The following RBPJ variants were observed in gnomAD, a reference collection of about 807,000 sequenced individuals.
RBPJ encodes recombination signal binding protein for immunoglobulin kappa J region.
Under a neutral mutation model 67.8 loss-of-function variants are expected in RBPJ, and 9 were observed. That is an observed-to-expected ratio of 0.13 (90% confidence interval 0.08 to 0.23). The LOEUF (loss-of-function observed/expected upper bound fraction) is 0.23. RBPJ is among the 10% of genes least tolerant of loss of function. The pLI is 1.00. For missense variants in RBPJ, 305 were observed against 595.6 expected (o/e 0.51, Z 5.08); for synonymous variants, 198 against 203.3 (o/e 0.97, Z 0.22).
the RBPJ span, among the ~76,000 whole-genome samples, chr4:26,149,614 GCTCTCT>G: frequency 6.6e-6 from 1 of 150,594 alleles, no homozygotes; most frequent in African/African-American, 2.4e-5. Context: ...AGTGAGCTCA[GCTCTCT>G]CTCTCTCTCT....
At chr4:26,203,442 T>C (rs1213316637) in intron 1 of RBPJ, among the ~76,000 whole-genome samples, 1 of 152,166 alleles carries the variant, frequency 6.6e-6, no homozygotes, top group Non-Finnish European at 1.5e-5. Context: ...TATCTCTCTG[T>C]CCCTTTGCCA....
At chr4:26,325,177 A>AT (rs1723494074) in intron 1 of RBPJ, among the ~76,000 whole-genome samples, 1 of 151,714 alleles carries the variant, frequency 6.6e-6, no homozygotes, top group African/African-American at 2.4e-5. Flanking sequence ...AGAACTGATC[A>AT]TTTTTCCTTC....
chr4:26,256,097 T>C (rs985671492), intron 1 of RBPJ, among the ~76,000 whole-genome samples: 1 of 152,192 alleles, frequency 6.6e-6, no homozygotes, highest in Non-Finnish European at 1.5e-5. Context: ...CAGTTGGAGA[T>C]ATTTTATGCA....
At chr4:26,368,303 A>T (rs1412343809) in intron 1 of RBPJ, among the ~76,000 whole-genome samples, 1 of 152,142 alleles carries the variant, frequency 6.6e-6, no homozygotes, top group African/African-American at 2.4e-5. Context: ...CCTATTCCAC[A>T]TTAACCCCTT....
chr4:26,211,807 T>A (rs1336059081), intron 1 of RBPJ, among the ~76,000 whole-genome samples: 1 of 152,198 alleles, frequency 6.6e-6, no homozygotes, highest in Non-Finnish European at 1.5e-5. Context: ...TAATATGATC[T>A]TATTTAGAAA....
chr4:26,221,131 C>T (rs1429553854), intron 1 of RBPJ, among the ~76,000 whole-genome samples: 1 of 152,216 alleles, frequency 6.6e-6, no homozygotes, highest in Admixed American at 6.5e-5. Context: ...CGTTCCGTCG[C>T]CCAGGCTGGA....
intron 1 of RBPJ, among the ~76,000 whole-genome samples, chr4:26,221,087 A>T (rs944857250): frequency 2.0e-5 from 3 of 152,096 alleles, no homozygotes; most frequent in Admixed American, 6.6e-5. Flanking sequence ...CTTCTTAAAT[A>T]GTTTTTTGTT....
chr4:26,313,056 G>A (rs1176680068), intron 1 of RBPJ, among the ~76,000 whole-genome samples: 1 of 152,138 alleles, frequency 6.6e-6, no homozygotes. Flanking sequence ...CTGAGTAGCT[G>A]GGATTACAGG....
At chr4:26,328,184 A>C (rs958570574) in intron 1 of RBPJ, among the ~76,000 whole-genome samples, 1 of 151,954 alleles carries the variant, frequency 6.6e-6, no homozygotes, top group Non-Finnish European at 1.5e-5. Flanking sequence ...CTCCTAATCC[A>C]TACACCATTT....
chr4:26,354,451 GT>G (rs35328021), intron 1 of RBPJ, among the ~76,000 whole-genome samples: 13,959 of 117,382 alleles, frequency 0.12, 543 homozygotes, highest in East Asian at 0.28. Flanking sequence ...AAAGATTTCT[GT>G]TTTTTTTTTT....
chr4:26,337,065 G>A (rs999571694), intron 1 of RBPJ, among the ~76,000 whole-genome samples: 7 of 151,574 alleles, frequency 4.6e-5, no homozygotes, highest in African/African-American at 7.3e-5. Flanking sequence ...GGGTTCAAGC[G>A]ATTCTCCCGC....
intron 1 of RBPJ, among the ~76,000 whole-genome samples, chr4:26,215,242 AGAAAGTAAGAAAG>A (rs1718656067): frequency 5.0e-5 from 1 of 20,002 alleles, no homozygotes. Context: ...AGAGAAAGAA[AGAAAGTAAGAAAG>A]AAAGGAAGGG....
At chr4:26,241,566 C>T (rs1339208440) in intron 1 of RBPJ, among the ~76,000 whole-genome samples, 3 of 152,032 alleles carry the variant, frequency 2.0e-5, no homozygotes, top group Admixed American at 2.0e-4. Flanking sequence ...GGCTGGAGTA[C>T]AGTGGCGCGA....
intron 1 of RBPJ, among the ~76,000 whole-genome samples, chr4:26,305,308 G>T (rs1722197692): frequency 6.6e-6 from 1 of 152,124 alleles, no homozygotes; most frequent in Admixed American, 6.6e-5. Context: ...AGATTGTTTG[G>T]CTATTGTGGG....
At chr4:26,413,279 C>T (rs976749294) in intron 3 of RBPJ, among the ~76,000 whole-genome samples, 2 of 152,154 alleles carry the variant, frequency 1.3e-5, no homozygotes, top group South Asian at 2.1e-4. Flanking sequence ...GGCTTTAGGT[C>T]GTGACTCAAA....
upstream of RBPJ, among the ~76,000 whole-genome samples, chr4:26,316,433 A>C: frequency 6.9e-6 from 1 of 144,150 alleles, no homozygotes; most frequent in East Asian, 2.0e-4. Context: ...ACATTCATAT[A>C]TACATTCATA....
At chr4:26,270,992 A>T (rs1422598292) in intron 1 of RBPJ, among the ~76,000 whole-genome samples, 1 of 152,184 alleles carries the variant, frequency 6.6e-6, no homozygotes, top group Non-Finnish European at 1.5e-5. Flanking sequence ...CCATATTCAT[A>T]CAACTTTTAT....
At chr4:26,181,902 C>T (rs1717012246) in intron 1 of RBPJ, among the ~76,000 whole-genome samples, 2 of 152,166 alleles carry the variant, frequency 1.3e-5, no homozygotes, top group Admixed American at 1.3e-4. Flanking sequence ...ATGTGAAGGC[C>T]TAGGACATTA....
chr4:26,425,630 C>A (rs1735571198), intron 7 of RBPJ, among the ~76,000 whole-genome samples: 1 of 152,128 alleles, frequency 6.6e-6, no homozygotes, highest in African/African-American at 2.4e-5. Context: ...AAAAGGAGAT[C>A]TTGAAATTGT....
Sources: gnomAD v4.1 joint callset for allele counts (sites outside exome capture counted in the v4.1 genomes callset) on GRCh38, gnomAD v4.1.1 for gene constraint, MANE v1.5 for transcripts, NCBI Gene and HGNC (gene_info 2026-07-23, HGNC 2026-07-21) for gene names.